HIGD1C: variants seen among roughly 807,000 people sequenced by gnomAD.
The protein encoded by HIGD1C is HIG1 domain family member 1C.
Under a neutral mutation model 13.1 loss-of-function variants are expected in HIGD1C, and 11 were observed. The observed-to-expected ratio is 0.84, with a 90% CI of 0.53 to 1.39. The LOEUF (loss-of-function observed/expected upper bound fraction) is 1.39, where lower values mean the gene tolerates loss of function less well. Among genes scored for constraint, HIGD1C ranks in the 40% most tolerant of loss-of-function variants. The probability of loss-of-function intolerance (pLI) is 0.00; values close to 1 mark genes in which losing one functional copy is unlikely to be tolerated. For missense variants in HIGD1C, 110 were observed against 112.0 expected (o/e 0.98, Z 0.08); for synonymous variants, 36 against 37.7 (o/e 0.95, Z 0.17).
At chr12:50,944,907 C>T in the HIGD1C span, among the ~76,000 whole-genome samples, 1 of 152,042 alleles carries the variant, frequency 6.6e-6, no homozygotes, top group African/African-American at 2.4e-5. Flanking sequence ...AATAATTCAT[C>T]CCTGGGATGC....
upstream of HIGD1C, chr12:50,949,213 G>C (rs1163654804): frequency 6.5e-6 from 1 of 153,974 alleles, no homozygotes; most frequent in African/African-American, 2.4e-5. Flanking sequence ...ATCTGGGCTG[G>C]GGTCCACTTG....
intron 2 of HIGD1C, among the ~76,000 whole-genome samples, chr12:50,968,242 T>C (rs899296863): frequency 6.6e-6 from 1 of 152,170 alleles, no homozygotes; most frequent in Non-Finnish European, 1.5e-5. Flanking sequence ...TACTGGGGAC[T>C]GAAGTCAGTA....
chr12:50,972,522 T>C (rs1006329628), downstream of HIGD1C, among the ~76,000 whole-genome samples: 1 of 152,212 alleles, frequency 6.6e-6, no homozygotes, highest in African/African-American at 2.4e-5. Flanking sequence ...GGTTCCAAGA[T>C]GGCCGAATAG....
the HIGD1C span, among the ~76,000 whole-genome samples, chr12:50,945,929 C>A: frequency 6.6e-6 from 1 of 151,946 alleles, no homozygotes; most frequent in East Asian, 1.9e-4. Context: ...TAATACCACA[C>A]ATCTACAACC....
intron 2 of HIGD1C, among the ~76,000 whole-genome samples, chr12:50,969,762 A>G (rs1939692830): frequency 6.6e-6 from 1 of 152,024 alleles, no homozygotes; most frequent in African/African-American, 2.4e-5. Flanking sequence ...TGGGTTTCAC[A>G]CTCAGAAGAG....
In HIGD1C at chr12:50,964,481, A is replaced by G. The variant is rs191139673; in HGVS notation, c.229+3379A>G. Among the ~76,000 whole-genome samples, 70 of 152,256 alleles carry G rather than the reference A, an allele frequency of 4.6e-4. 1 individual carries two copies. In the East Asian group the frequency reaches 0.013, roughly 29 times the overall value. The stretch of plus-strand genomic sequence containing the variant: ...GCCCTAAAAGATATAATGCATTCCA[A>G]TTTCCCCTTGATGTTCAGAACAAAT... On this transcript the variant is annotated intron_variant, in intron 2 of 2. Transcript: ENST00000398455.
rs138664769 is a variant in HIGD1C at position 50,954,050 on chromosome 12, C to T, written c.52C>T (p.Arg18Ter). ...AGATGAGGATGAAGGCCAATTATCC[C>T]GACTAATCAGGAAATCTAGAGACTC... The change falls in exon 1 of 3, where the codon CGA becomes TGA. Residue 18 changes from arginine to a stop codon, truncating the protein, a stop_gained. Transcript: ENST00000398455. LOFTEE classifies it high-confidence loss of function. 87 of 1,613,276 alleles carry T rather than the reference C, an allele frequency of 5.4e-5. No homozygotes were observed. The East Asian group carries it at 1.2e-3, about 23-fold the overall frequency.
At chr12:50,942,628 A>G in the HIGD1C span, among the ~76,000 whole-genome samples, 2 of 152,108 alleles carry the variant, frequency 1.3e-5, no homozygotes, top group Non-Finnish European at 2.9e-5. Context: ...GCACTTTGGG[A>G]GGCCAAGGCA....
intron 1 of HIGD1C, among the ~76,000 whole-genome samples, chr12:50,957,348 G>A (rs577755152): frequency 4.0e-5 from 6 of 151,360 alleles, no homozygotes; most frequent in East Asian, 2.0e-4. Context: ...GTAAGCATGC[G>A]CCACCACACC....
intron 2 of HIGD1C, among the ~76,000 whole-genome samples, chr12:50,965,780 G>A (rs765859708): frequency 4.3e-4 from 65 of 152,162 alleles, no homozygotes; most frequent in Non-Finnish European, 1.5e-4. Flanking sequence ...TGGTAAATGA[G>A]CACAGGTCCC....
chr12:50,943,646 C>G, the HIGD1C span, among the ~76,000 whole-genome samples: 1 of 151,852 alleles, frequency 6.6e-6, no homozygotes, highest in African/African-American at 2.4e-5. Flanking sequence ...GGGGGCGGAG[C>G]CTGCAGTGAG....
rs1192078651 is a variant in HIGD1C at position 50,954,112 on chromosome 12, G to C, written c.94+20G>C. The C allele has an allele frequency of 2.8e-6, 4 of 1,427,742 alleles. No individual in the cohort carries two copies. Among genetic ancestry groups the C allele is most frequent in the Non-Finnish European group, 3.9e-6 (4 of 1,016,782 alleles). The allele number at this position is 1,427,742 out of a possible 1,614,324, so 88.4% of individuals were successfully genotyped here. On this transcript the variant is annotated intron_variant, in intron 1 of 2. Transcript: ENST00000398455. ...CTATAGGTAAGTACAAGCCTTGACT[G>C]GATGCAGAAAACTGTAATAACACAA...
chr12:50,942,465 C>T, the HIGD1C span, among the ~76,000 whole-genome samples: 1 of 152,326 alleles, frequency 6.6e-6, no homozygotes, highest in Admixed American at 6.5e-5. Context: ...CCCTTCCAAT[C>T]TATTTTTTAT....
the HIGD1C span, chr12:50,935,004 C>T: frequency 2.0e-5 from 3 of 152,210 alleles, no homozygotes; most frequent in African/African-American, 7.2e-5. Flanking sequence ...TGAATTCCTA[C>T]ATAGTTCAAA....
the HIGD1C span, among the ~76,000 whole-genome samples, chr12:50,942,089 C>G: frequency 6.6e-6 from 1 of 152,038 alleles, no homozygotes; most frequent in African/African-American, 2.4e-5. Flanking sequence ...GCCACATTGC[C>G]CAGGCTGGTC....
chr12:50,969,727 C>T (rs541875702), intron 2 of HIGD1C, among the ~76,000 whole-genome samples: 11 of 150,198 alleles, frequency 7.3e-5, no homozygotes, highest in Admixed American at 1.3e-4. Context: ...AAAAACAAAA[C>T]GTCATACTTA....
chr12:50,932,420 TGTA>T, the HIGD1C span: 20 of 152,222 alleles, frequency 1.3e-4, no homozygotes, highest in South Asian at 2.1e-4. Flanking sequence ...TTTTAATAAA[TGTA>T]GTATATTTTC....
intron 1 of HIGD1C, among the ~76,000 whole-genome samples, chr12:50,959,281 G>A (rs941285149): frequency 1.3e-5 from 2 of 151,726 alleles, no homozygotes; most frequent in African/African-American, 4.8e-5. Context: ...CACCACGCCT[G>A]GCTAATTTTG....
At chr12:50,953,907 CAT>C, upstream of HIGD1C, 1 of 694,978 alleles carries the variant, frequency 1.4e-6, no homozygotes. Flanking sequence ...CAAAAAAACA[CAT>C]AATCAAGAGT....
Sources: gnomAD v4.1 joint callset for allele counts (sites outside exome capture counted in the v4.1 genomes callset) on GRCh38, gnomAD v4.1.1 for gene constraint, MANE v1.5 for transcripts, NCBI Gene and HGNC (gene_info 2026-07-23, HGNC 2026-07-21) for gene names.